NTNG2: variants seen among roughly 807,000 people sequenced by gnomAD.
The protein encoded by NTNG2 is netrin-G2.
Under a neutral mutation model 47.6 loss-of-function variants are expected in NTNG2, and 15 were observed. The ratio of observed to expected loss-of-function variants is 0.32; its 90% CI spans 0.21 to 0.49. NTNG2 has a LOEUF of 0.49. Among genes scored for constraint, NTNG2 ranks in the 20% least tolerant of loss-of-function variants. The pLI is 0.99. For missense variants in NTNG2, 578 were observed against 764.6 expected (o/e 0.76, Z 2.88); for synonymous variants, 307 against 324.6 (o/e 0.95, Z 0.58).
chr9:132,190,921 G>A (rs894697791), intron 2 of NTNG2, among the ~76,000 whole-genome samples: 7 of 152,130 alleles, frequency 4.6e-5, no homozygotes, highest in African/African-American at 1.7e-4. Context: ...TGACCTTTCA[G>A]GTGACTTGCC....
chr9:132,217,599 C>T (rs947614857), intron 3 of NTNG2, among the ~76,000 whole-genome samples: 10 of 152,194 alleles, frequency 6.6e-5, no homozygotes, highest in African/African-American at 2.4e-4. Context: ...TTGTTGAAAG[C>T]TCTGAGGATC....
intron 1 of NTNG2, among the ~76,000 whole-genome samples, chr9:132,165,493 T>C (rs1835447612): frequency 1.3e-5 from 2 of 152,164 alleles, no homozygotes; most frequent in African/African-American, 4.8e-5. Flanking sequence ...CCCTAGTTTC[T>C]TACAGTTAAA....
intron 3 of NTNG2, among the ~76,000 whole-genome samples, chr9:132,220,581 G>A (rs1244183518): frequency 6.6e-6 from 1 of 151,428 alleles, no homozygotes; most frequent in Non-Finnish European, 1.5e-5. Flanking sequence ...GACCTCCCAA[G>A]TAGTTGGGAT....
chr9:132,188,967 A>G (rs941331733), intron 2 of NTNG2, among the ~76,000 whole-genome samples: 1 of 149,558 alleles, frequency 6.7e-6, no homozygotes, highest in Non-Finnish European at 1.5e-5. Context: ...CACCCATTCT[A>G]TGTTAGTGGC....
chr9:132,164,889 C>T (rs561104016), intron 1 of NTNG2, among the ~76,000 whole-genome samples: 2 of 152,132 alleles, frequency 1.3e-5, no homozygotes, highest in Non-Finnish European at 2.9e-5. Context: ...GTGCTCAGGG[C>T]GCTCAGGGCA....
intron 6 of NTNG2, 45 bp downstream of exon 6, chr9:132,239,316 G>A: frequency 6.2e-7 from 1 of 1,607,404 alleles, no homozygotes; most frequent in Non-Finnish European, 8.5e-7. Context: ...TGGAATGCGT[G>A]CAGGGTGCAC....
chr9:132,181,510 A>C (rs1052745297), intron 2 of NTNG2, among the ~76,000 whole-genome samples: 1 of 151,968 alleles, frequency 6.6e-6, no homozygotes, highest in African/African-American at 2.4e-5. Context: ...TAGTAGAGAC[A>C]AAGTTTCACC....
chr9:132,201,446 A>G (rs1229959385), intron 3 of NTNG2, among the ~76,000 whole-genome samples: 1 of 152,256 alleles, frequency 6.6e-6, no homozygotes, highest in Non-Finnish European at 1.5e-5. Flanking sequence ...TCAGCGAAGG[A>G]CTGAGGTTAC....
intron 2 of NTNG2, among the ~76,000 whole-genome samples, chr9:132,191,905 CTT>C (rs1245330387): frequency 2.0e-5 from 3 of 152,188 alleles, no homozygotes; most frequent in Admixed American, 2.0e-4. Context: ...TCCCAAGACT[CTT>C]TTTAAAAATC....
intron 3 of NTNG2, among the ~76,000 whole-genome samples, chr9:132,222,338 TC>T (rs1840406933): frequency 6.6e-6 from 1 of 152,128 alleles, no homozygotes; most frequent in Non-Finnish European, 1.5e-5. Context: ...GTGCCTGCTG[TC>T]CCCCTCTGTG....
chr9:132,185,049 T>G (rs1837251868), intron 2 of NTNG2, among the ~76,000 whole-genome samples: 1 of 149,474 alleles, frequency 6.7e-6, no homozygotes, highest in Non-Finnish European at 1.5e-5. Flanking sequence ...AAGGGAAGGG[T>G]GTCTGGCTGC....
intron 3 of NTNG2, among the ~76,000 whole-genome samples, chr9:132,212,198 G>A (rs1839639293): frequency 6.6e-6 from 1 of 152,120 alleles, no homozygotes; most frequent in South Asian, 2.1e-4. Context: ...CCTCGGGGGT[G>A]TTGGGCCTTC....
intron 2 of NTNG2, among the ~76,000 whole-genome samples, chr9:132,171,048 T>C (rs748258654): frequency 9.9e-5 from 15 of 151,964 alleles, no homozygotes; most frequent in Non-Finnish European, 1.5e-4. Context: ...GTCCTGGGAA[T>C]GGAGGGATGG....
intron 3 of NTNG2, among the ~76,000 whole-genome samples, chr9:132,209,222 T>C (rs1839400301): frequency 6.6e-6 from 1 of 152,232 alleles, no homozygotes; most frequent in Non-Finnish European, 1.5e-5. Context: ...CTGGGTCGTC[T>C]GGTGAGCGTG....
At chr9:132,164,575 A>G (rs951156928) in intron 1 of NTNG2, among the ~76,000 whole-genome samples, 17 of 152,192 alleles carry the variant, frequency 1.1e-4, no homozygotes, top group South Asian at 2.1e-4. Flanking sequence ...GAGGCATCCA[A>G]ACCTTTGCCG....
chr9:132,235,343 C>T (rs1221707306), intron 5 of NTNG2, among the ~76,000 whole-genome samples: 4 of 152,306 alleles, frequency 2.6e-5, no homozygotes, highest in East Asian at 1.9e-4. Flanking sequence ...TCAGTCAGAA[C>T]GGGGACGGCA....
chr9:132,239,904 T>A (rs550075446), intron 6 of NTNG2, among the ~76,000 whole-genome samples: 1 of 152,388 alleles, frequency 6.6e-6, no homozygotes, highest in South Asian at 2.1e-4. Context: ...TCTTCACCCC[T>A]GGTGGGCACC....
rs1429755001 is a variant in NTNG2 at position 132,231,766 on chromosome 9, C to T, written c.1054+1171C>T. The T allele has an allele frequency of 6.3e-5, 11 of 173,426 alleles. 1 individual carries two copies. In the East Asian group the frequency reaches 9.3e-4, roughly 15 times the overall value. The allele number at this position is 173,426 out of a possible 1,614,324, so 10.7% of individuals were successfully genotyped here. On this transcript the variant is annotated intron_variant, in intron 5 of 7. Transcript: ENST00000393229. The surrounding 1 kb of genome is among the most constrained non-coding windows in gnomAD (Gnocchi z 4.1). ...ACGTCCACTGCCTGGGCCCCCATGGCGCCCAGCACCCCACAGCCCACAGGT... is the reference window on the plus strand; with the variant it reads ...ACGTCCACTGCCTGGGCCCCCATGGTGCCCAGCACCCCACAGCCCACAGGT...
rs960238949 is a variant in NTNG2 at position 132,174,317 on chromosome 9, C to T, written c.213+7273C>T. On this transcript the variant is annotated intron_variant, in intron 2 of 7. Coordinates refer to ENST00000393229, the MANE Select transcript of NTNG2 (RefSeq NM_032536.4). ...CGCACCATGCTGCGGATGAGACGGA[C>T]GGACGGACGGACAGACAGACAGGTC... 2.6e-5 allele frequency among the ~76,000 whole-genome samples: 3 copies of T among 114,944 alleles called. No homozygotes were observed. The South Asian group carries it at 8.8e-4, about 34-fold the overall frequency. The allele number at this position is 114,944 out of a possible 152,430, so 75.4% of individuals were successfully genotyped here. A position where few individuals can be genotyped will look rare whatever the true frequency, so the allele number is the denominator to read the frequency against.
Sources: gnomAD v4.1 joint callset for allele counts (sites outside exome capture counted in the v4.1 genomes callset) on GRCh38, gnomAD v4.1.1 for gene constraint, Gnocchi (gnomAD v3.1) non-coding constraint, MANE v1.5 for transcripts, NCBI Gene and HGNC (gene_info 2026-07-23, HGNC 2026-07-21) for gene names.